Variants in POU6F2 observed in about 807,000 individuals in gnomAD.
POU6F2 encodes the protein POU domain, class 6, transcription factor 2.
Under a neutral mutation model 71.3 loss-of-function variants are expected in POU6F2, and 31 were observed. That is an observed-to-expected ratio of 0.43 (90% CI 0.33 to 0.59). POU6F2 has a LOEUF of 0.59. Ranked by LOEUF, POU6F2 falls within the 20% of genes least tolerant of loss-of-function variation. POU6F2 has a pLI of 0.04. For missense variants in POU6F2, 783 were observed against 856.8 expected, an observed-to-expected ratio of 0.91 and a Z score of 1.07; for synonymous variants, 347 against 355.7, an observed-to-expected ratio of 0.98 and a Z score of 0.27.
At chr7:39,078,203 G>C (rs1402456583) in intron 1 of POU6F2, among the ~76,000 whole-genome samples, 1 of 152,144 alleles carries the variant, frequency 6.6e-6, no homozygotes, top group Non-Finnish European at 1.5e-5. Context: ...TACTTGACTT[G>C]TCTGAAAGCT....
intron 2 of POU6F2, among the ~76,000 whole-genome samples, chr7:39,149,264 G>A (rs1487977756): frequency 2.0e-5 from 3 of 152,156 alleles, no homozygotes; most frequent in Non-Finnish European, 1.5e-5. Context: ...CCATCAATTA[G>A]CTTATGCAGA....
intron 1 of POU6F2, among the ~76,000 whole-genome samples, chr7:39,060,276 A>G (rs1790627860): frequency 2.0e-5 from 3 of 152,144 alleles, no homozygotes; most frequent in South Asian, 2.1e-4. Context: ...TGAGATGTCC[A>G]GAATAGGTAA....
chr7:39,199,718 C>T (rs1466748858), intron 2 of POU6F2, among the ~76,000 whole-genome samples: 1 of 152,082 alleles, frequency 6.6e-6, no homozygotes, highest in Non-Finnish European at 1.5e-5. Flanking sequence ...TGCAGGCACC[C>T]TGTGGGTTTC....
chr7:39,415,427 T>C (rs961175096), intron 6 of POU6F2, among the ~76,000 whole-genome samples: 6 of 152,222 alleles, frequency 3.9e-5, no homozygotes, highest in African/African-American at 1.4e-4. Context: ...CCTGTCTGTC[T>C]AAAGGATAGG....
At chr7:39,430,086 C>T (rs768331158) in intron 6 of POU6F2, among the ~76,000 whole-genome samples, 4 of 152,176 alleles carry the variant, frequency 2.6e-5, no homozygotes, top group Non-Finnish European at 5.9e-5. Flanking sequence ...GCGAAATAGG[C>T]ACATCAGAGA....
intron 4 of POU6F2, among the ~76,000 whole-genome samples, chr7:39,293,278 G>A (rs1371457110): frequency 6.6e-6 from 1 of 152,116 alleles, no homozygotes; most frequent in Non-Finnish European, 1.5e-5. Flanking sequence ...TGTTTATGAG[G>A]TGTTTCCGGG....
At chr7:39,243,772 C>T (rs1783767018) in intron 4 of POU6F2, among the ~76,000 whole-genome samples, 1 of 151,480 alleles carries the variant, frequency 6.6e-6, no homozygotes, top group Non-Finnish European at 1.5e-5. Context: ...TACTCTAATC[C>T]CCAGAAATGA....
At chr7:39,234,371 C>T (rs994703172) in intron 4 of POU6F2, among the ~76,000 whole-genome samples, 5 of 152,276 alleles carry the variant, frequency 3.3e-5, no homozygotes, top group East Asian at 1.9e-4. Context: ...CCAGAGAACA[C>T]GGTAGACATG....
Position 39,383,706 on chromosome 7 carries a change from G to A in POU6F2, c.973-22894G>A, listed in dbSNP as rs2237406. On this transcript the variant is annotated intron_variant, in intron 5 of 9. Coordinates refer to ENST00000518318, the MANE Select transcript of POU6F2 (RefSeq NM_001370959.1). ...CATGTGATGCAGTGCTAGAGTGCTCGGGGTGTGCTTAGAGTGCTCGAACCA... is the reference window on the plus strand; with the variant it reads ...CATGTGATGCAGTGCTAGAGTGCTCAGGGTGTGCTTAGAGTGCTCGAACCA... 8.2e-3 allele frequency among the ~76,000 whole-genome samples: 1,251 copies of A among 152,212 alleles called. 53 individuals carry two copies. In the East Asian group the frequency reaches 0.14, roughly 17 times the overall value.
Position 39,080,716 on chromosome 7 carries a change from C to T in POU6F2, c.106-5144C>T, listed in dbSNP as rs566704558. Reference sequence around the variant, plus strand: ...GATGGACTGTTTCATCATTAGTTTGCACGTACATAAAAATATGCTGGACCT... The same window carrying T: ...GATGGACTGTTTCATCATTAGTTTGTACGTACATAAAAATATGCTGGACCT... On this transcript the variant is annotated intron_variant, in intron 1 of 9. Transcript: ENST00000518318. Among the ~76,000 whole-genome samples, 186 of 152,218 alleles carry T rather than the reference C, an allele frequency of 1.2e-3. 1 individual carries two copies. The highest frequency in any genetic ancestry group is 4.3e-3 in the African/African-American group (180 of 41,534).
At chr7:39,403,288 A>T (rs1407353961) in intron 5 of POU6F2, among the ~76,000 whole-genome samples, 1 of 152,218 alleles carries the variant, frequency 6.6e-6, no homozygotes, top group Non-Finnish European at 1.5e-5. Flanking sequence ...AGACTCCAGA[A>T]GTAGAACTTG....
At chr7:38,987,853 G>C (rs1054534933) in intron 1 of POU6F2, among the ~76,000 whole-genome samples, 1 of 151,402 alleles carries the variant, frequency 6.6e-6, no homozygotes, top group African/African-American at 2.4e-5. Context: ...AGCTGACCAT[G>C]CCATCTTTCC....
At chr7:39,070,379 A>G (rs1370535820) in intron 1 of POU6F2, among the ~76,000 whole-genome samples, 1 of 147,824 alleles carries the variant, frequency 6.8e-6, no homozygotes, top group Non-Finnish European at 1.5e-5. Flanking sequence ...ATCTCCCTCC[A>G]CACTTCTGCT....
chr7:39,262,703 G>T (rs1005803340), intron 4 of POU6F2, among the ~76,000 whole-genome samples: 2 of 151,962 alleles, frequency 1.3e-5, no homozygotes, highest in Non-Finnish European at 2.9e-5. Context: ...TTCAGGTCTT[G>T]TGGTATGCAT....
At chr7:39,007,527 C>CT (rs911802946) in intron 1 of POU6F2, among the ~76,000 whole-genome samples, 9 of 152,008 alleles carry the variant, frequency 5.9e-5, no homozygotes, top group African/African-American at 1.9e-4. Flanking sequence ...TAGATATGTA[C>CT]TTTTTTTTCT....
intron 4 of POU6F2, among the ~76,000 whole-genome samples, chr7:39,215,082 T>C (rs1056344966): frequency 6.6e-6 from 1 of 152,224 alleles, no homozygotes; most frequent in African/African-American, 2.4e-5. Context: ...TGGTAGCTCA[T>C]GCCTGTAATC....
Position 39,204,313 on chromosome 7 carries a change from C to T in POU6F2, c.356C>T (p.Pro119Leu), listed in dbSNP as rs1793963646. Residue 119 changes from proline (P) to leucine (L), a missense_variant, in exon 3 of 10, where the codon CCA (proline) becomes CTA (leucine). Pro to Leu is a moderately conservative substitution (Grantham distance 98). Around this residue, in one of 2 missense-constraint regions of POU6F2, gnomAD observed 572 missense variants for 572.9 expected, o/e 1.00. Coordinates refer to ENST00000518318, the MANE Select transcript of POU6F2 (RefSeq NM_001370959.1). ...GCCAGTCAGACCCACCCCCCATTTC[C>T]AGTTGGGCCACAGGTCAGTATCTCT... is the stretch of plus-strand genomic sequence containing the variant. ...HQASQTHPPF[P>L]VGPQPLLTAQ... is the part of the protein sequence containing the mutation. 3 of 1,613,504 alleles carry T rather than the reference C, an allele frequency of 1.9e-6. No individual in the cohort carries two copies. Among genetic ancestry groups the T allele is most frequent in the Non-Finnish European group, 1.7e-6 (2 of 1,179,530 alleles).
At chr7:39,192,537 G>T (rs908562941) in intron 2 of POU6F2, among the ~76,000 whole-genome samples, 5 of 152,142 alleles carry the variant, frequency 3.3e-5, no homozygotes, top group African/African-American at 1.2e-4. Flanking sequence ...CAATGATATT[G>T]GGCTACATTT....
At chr7:39,304,725 T>C (rs1479124206) in intron 4 of POU6F2, among the ~76,000 whole-genome samples, 2 of 152,182 alleles carry the variant, frequency 1.3e-5, no homozygotes, top group Non-Finnish European at 2.9e-5. Flanking sequence ...TCCTTTCTAT[T>C]TGGAAAGGAA....
Sources: allele counts gnomAD v4.1 joint callset (sites outside exome capture counted in the v4.1 genomes callset), GRCh38; gene constraint gnomAD v4.1.1; regional missense constraint gnomAD v4.1.1; transcripts MANE v1.5; gene names NCBI Gene and HGNC (gene_info 2026-07-23, HGNC 2026-07-21).